The following CNNM1 variants were observed in gnomAD, a reference collection of about 807,000 sequenced individuals.
The protein encoded by CNNM1 is metal transporter CNNM1.
CNNM1 carries 44 observed loss-of-function variants against 78.8 expected under a neutral mutation model. The ratio of observed to expected loss-of-function variants is 0.56; its 90% CI spans 0.44 to 0.72. CNNM1 has a LOEUF of 0.72. Among genes scored for constraint, CNNM1 ranks in the 30% least tolerant of loss-of-function variants. The probability of loss-of-function intolerance (pLI) is 0.00; values close to 1 mark genes in which losing one functional copy is unlikely to be tolerated. For synonymous variants in CNNM1, 584 were observed against 581.5 expected (o/e 1.00, Z -0.06); for missense variants, 1,101 against 1,292.2 (o/e 0.85, Z 2.27).
chr10:99,345,422 C>T (rs2030648442), intron 1 of CNNM1, among the ~76,000 whole-genome samples: 1 of 152,192 alleles, frequency 6.6e-6, no homozygotes. Context: ...TGAGAGTCCA[C>T]ATATCTCTCT....
chr10:99,361,954 A>G (rs562433295), intron 3 of CNNM1, among the ~76,000 whole-genome samples: 1 of 152,378 alleles, frequency 6.6e-6, no homozygotes, highest in East Asian at 1.9e-4. Context: ...AAAATTAATA[A>G]TGAAACAGAC....
At chr10:99,333,505 T>G (rs1208239589) in intron 1 of CNNM1, among the ~76,000 whole-genome samples, 1 of 152,130 alleles carries the variant, frequency 6.6e-6, no homozygotes, top group Non-Finnish European at 1.5e-5. Flanking sequence ...CCAACACGCC[T>G]GGCTAATTTT....
intron 6 of CNNM1, chr10:99,368,520 G>A (rs2031695580): frequency 1.1e-5 from 7 of 660,184 alleles, no homozygotes; most frequent in South Asian, 9.0e-5. Flanking sequence ...GAAGATCCAG[G>A]AACAGACTGT....
intron 7 of CNNM1, among the ~76,000 whole-genome samples, chr10:99,387,320 T>A (rs2032335080): frequency 6.6e-6 from 1 of 152,152 alleles, no homozygotes; most frequent in Admixed American, 6.5e-5. Flanking sequence ...CATAGGAGCA[T>A]GACCCTACAT....
rs575488095 is a variant in CNNM1 at position 99,367,160 on chromosome 10, A to AT, written c.2176+2159dup. 1.3e-3 allele frequency among the ~76,000 whole-genome samples: 201 copies of AT among 152,290 alleles called. No homozygotes were observed. The Middle Eastern group carries it at 0.014, about 10-fold the overall frequency. On this transcript the variant is annotated intron_variant, in intron 6 of 10. Transcript: ENST00000356713. ...TCAGCCCATGGTCCAGCCACCCAGC[A>AT]TCTTTCACTGGCCAAGAACCTCAAC...
At chr10:99,362,039 C>T (rs1461670358) in intron 3 of CNNM1, among the ~76,000 whole-genome samples, 188 bp from the exon 4 acceptor site, 1 of 152,158 alleles carries the variant, frequency 6.6e-6, no homozygotes, top group African/African-American at 2.4e-5. Flanking sequence ...TGGGTAAGGC[C>T]CTGAGATGCA....
chr10:99,360,455 T>A (rs1477361386), intron 2 of CNNM1, among the ~76,000 whole-genome samples: 1 of 152,230 alleles, frequency 6.6e-6, no homozygotes, highest in African/African-American at 2.4e-5. Flanking sequence ...TGGAGTCTCA[T>A]AATTAATTGC....
At chr10:99,361,074 G>T (rs1481503942) in intron 3 of CNNM1, 99 bp downstream of exon 3, 1 of 1,312,126 alleles carries the variant, frequency 7.6e-7, no homozygotes. Context: ...ATTCCAGTGT[G>T]CTGTCAGGAC....
At chr10:99,361,440 TAA>T (rs2031431305) in intron 3 of CNNM1, among the ~76,000 whole-genome samples, 1 of 152,240 alleles carries the variant, frequency 6.6e-6, no homozygotes, top group Admixed American at 6.5e-5. Flanking sequence ...GTGAAGAAGA[TAA>T]AGTTTGTCTT....
intron 1 of CNNM1, among the ~76,000 whole-genome samples, chr10:99,356,576 G>GAAAAGAAAGAA (rs374706573): frequency 1.1e-5 from 1 of 90,544 alleles, no homozygotes; most frequent in Non-Finnish European, 2.6e-5. Flanking sequence ...AAGAAAGAAA[G>GAAAAGAAAGAA]AAAGAAAGAA....
At chr10:99,340,316 AG>A (rs1179822239) in intron 1 of CNNM1, among the ~76,000 whole-genome samples, 1 of 152,198 alleles carries the variant, frequency 6.6e-6, no homozygotes, top group Non-Finnish European at 1.5e-5. Context: ...CACTTTTTTC[AG>A]ATTTAGTTAT....
intron 6 of CNNM1, among the ~76,000 whole-genome samples, chr10:99,369,238 A>G (rs2031725713): frequency 6.6e-6 from 1 of 152,242 alleles, no homozygotes; most frequent in Admixed American, 6.5e-5. Flanking sequence ...ACAATTCCTC[A>G]TAGAGCTAGA....
chr10:99,371,346 G>A (rs754567500), intron 6 of CNNM1, among the ~76,000 whole-genome samples: 1 of 152,092 alleles, frequency 6.6e-6, no homozygotes, highest in South Asian at 2.1e-4. Context: ...TCTGATCAGG[G>A]GTTTCCCCTG....
chr10:99,343,834 C>G (rs1335502080), intron 1 of CNNM1, among the ~76,000 whole-genome samples: 1 of 151,982 alleles, frequency 6.6e-6, no homozygotes, highest in Non-Finnish European at 1.5e-5. Context: ...CCTGCCTCAG[C>G]CTCCTGAGTA....
chr10:99,372,976 GT>G (rs988200495), intron 6 of CNNM1, among the ~76,000 whole-genome samples: 7 of 152,034 alleles, frequency 4.6e-5, no homozygotes, highest in African/African-American at 1.4e-4. Context: ...AAAAAGACAT[GT>G]TTTTCCTCCT....
At chr10:99,383,733 C>G (rs886346735) in intron 7 of CNNM1, among the ~76,000 whole-genome samples, 1 of 152,134 alleles carries the variant, frequency 6.6e-6, no homozygotes, top group African/African-American at 2.4e-5. Flanking sequence ...TGGGTGGGAC[C>G]AGTGGTTCTG....
At chr10:99,379,581 A>G (rs1442983216) in intron 7 of CNNM1, among the ~76,000 whole-genome samples, 2 of 151,828 alleles carry the variant, frequency 1.3e-5, no homozygotes, top group Non-Finnish European at 2.9e-5. Flanking sequence ...CACAGGTGGT[A>G]TCACCTGGTA....
chr10:99,364,899 T>C, intron 5 of CNNM1, 56 bp from the exon 6 acceptor site: 1 of 1,541,648 alleles, frequency 6.5e-7, no homozygotes, highest in Non-Finnish European at 8.9e-7. Context: ...AAGATTCCCA[T>C]AAGAAGTGTG....
chr10:99,342,031 C>T (rs2030480871), intron 1 of CNNM1, among the ~76,000 whole-genome samples: 1 of 152,124 alleles, frequency 6.6e-6, no homozygotes, highest in African/African-American at 2.4e-5. Flanking sequence ...TTTGAATCTG[C>T]CTCCAGCAAA....
Sources: allele counts gnomAD v4.1 joint callset (sites outside exome capture counted in the v4.1 genomes callset), GRCh38; gene constraint gnomAD v4.1.1; transcripts MANE v1.5; gene names NCBI Gene and HGNC (gene_info 2026-07-23, HGNC 2026-07-21).